The following OPCML variants were observed in gnomAD, a reference collection of about 807,000 sequenced individuals.
The protein encoded by OPCML is opioid binding protein/cell adhesion molecule like, also known as opioid-binding protein/cell adhesion molecule.
A neutral mutation model predicts 37.8 loss-of-function variants in OPCML; 13 were observed. The observed-to-expected ratio is 0.34, with a 90% confidence interval of 0.22 to 0.55. The LOEUF is 0.55. OPCML is among the 20% of genes least tolerant of loss of function. OPCML has a pLI of 0.91. For missense variants in OPCML, 341 were observed against 435.6 expected (o/e 0.78, Z 1.93); for synonymous variants, 176 against 168.8 (o/e 1.04, Z -0.33).
intron 7 of OPCML, among the ~76,000 whole-genome samples, chr11:132,422,273 C>A (rs2095962090): frequency 6.6e-6 from 1 of 152,114 alleles, no homozygotes; most frequent in Admixed American, 6.6e-5. Flanking sequence ...CCTGTGGATA[C>A]CATGCCATCG....
intron 1 of OPCML, among the ~76,000 whole-genome samples, chr11:133,056,591 C>T (rs766781802): frequency 3.5e-4 from 54 of 152,178 alleles, no homozygotes; most frequent in Middle Eastern, 3.2e-3. Context: ...AAGCAACATT[C>T]CTCCAAACTC....
intron 1 of OPCML, among the ~76,000 whole-genome samples, chr11:133,388,790 TTATGAGGC>T (rs1214667300): frequency 5.9e-5 from 9 of 152,214 alleles, no homozygotes; most frequent in Non-Finnish European, 1.2e-4. Flanking sequence ...TTAACCCAGG[TTATGAGGC>T]TGAATGTGAT....
intron 4 of OPCML, among the ~76,000 whole-genome samples, chr11:132,444,011 T>C (rs944927337): frequency 3.9e-5 from 6 of 152,180 alleles, no homozygotes; most frequent in Non-Finnish European, 8.8e-5. Context: ...ACTTGCACAG[T>C]AGAATGCTTG....
chr11:133,259,175 G>A (rs528032201), intron 1 of OPCML, among the ~76,000 whole-genome samples: 25 of 152,234 alleles, frequency 1.6e-4, no homozygotes, highest in Middle Eastern at 3.4e-3. Context: ...ACTTGTTCAC[G>A]GTTCCAGAGA....
intron 1 of OPCML, among the ~76,000 whole-genome samples, chr11:132,961,549 G>A (rs558934577): frequency 6.6e-6 from 1 of 152,316 alleles, no homozygotes; most frequent in Non-Finnish European, 1.5e-5. Context: ...GATGTGAGAT[G>A]TAATTCTATT....
chr11:133,185,538 C>T (rs1398802762), intron 1 of OPCML, among the ~76,000 whole-genome samples: 1 of 152,144 alleles, frequency 6.6e-6, no homozygotes, highest in African/African-American at 2.4e-5. Context: ...GGGTGAAGAA[C>T]TTAGAGAACA....
Position 132,617,116 on chromosome 11 carries a change from C to A in OPCML, c.379+39971G>T, listed in dbSNP as rs75732422. Among the ~76,000 whole-genome samples the A allele has an allele frequency of 8.7e-3, 1,318 of 152,336 alleles. 25 individuals carry two copies. The highest frequency in any genetic ancestry group is 0.03 in the African/African-American group (1,262 of 41,570). ...GTCCTACTCGAAACATTCTAAGATA[C>A]TCTGAATCTTTCTATATCTTCTGGA... On this transcript the variant is annotated intron_variant, in intron 3 of 7. Coordinates refer to ENST00000524381, the MANE Select transcript of OPCML (RefSeq NM_001012393.5).
intron 2 of OPCML, among the ~76,000 whole-genome samples, chr11:132,888,933 A>G (rs1005044465): frequency 6.6e-6 from 1 of 152,210 alleles, no homozygotes; most frequent in Non-Finnish European, 1.5e-5. Flanking sequence ...AATAGATGAA[A>G]AGGACAAATC....
At chr11:133,229,599 A>G (rs1592124973) in intron 1 of OPCML, among the ~76,000 whole-genome samples, 1 of 152,138 alleles carries the variant, frequency 6.6e-6, no homozygotes, top group East Asian at 1.9e-4. Context: ...TAGGAAGACA[A>G]AAAAAATTGT....
chr11:132,795,887 G>C (rs1396864625), intron 2 of OPCML, among the ~76,000 whole-genome samples: 1 of 152,226 alleles, frequency 6.6e-6, no homozygotes, highest in African/African-American at 2.4e-5. Flanking sequence ...GTACGACACA[G>C]TCGGCCTTCT....
intron 1 of OPCML, among the ~76,000 whole-genome samples, chr11:132,982,848 C>A (rs1946615752): frequency 6.6e-6 from 1 of 152,206 alleles, no homozygotes; most frequent in Non-Finnish European, 1.5e-5. Flanking sequence ...ATGAGCCCAG[C>A]ACCAAGACAG....
At chr11:133,159,987 C>T (rs1178070265) in intron 1 of OPCML, among the ~76,000 whole-genome samples, 1 of 152,226 alleles carries the variant, frequency 6.6e-6, no homozygotes, top group Non-Finnish European at 1.5e-5. Flanking sequence ...CAATCAAAAA[C>T]TCATGTGGGC....
At chr11:133,398,787 C>G (rs542525977) in intron 1 of OPCML, among the ~76,000 whole-genome samples, 6 of 152,166 alleles carry the variant, frequency 3.9e-5, no homozygotes, top group African/African-American at 1.2e-4. Flanking sequence ...ATTCCAATAA[C>G]AAAAAATGCA....
At chr11:133,042,101 C>G (rs1454153273) in intron 1 of OPCML, among the ~76,000 whole-genome samples, 2 of 152,126 alleles carry the variant, frequency 1.3e-5, no homozygotes, top group African/African-American at 2.4e-5. Context: ...CACCATTAGG[C>G]CCACAGTCAC....
At chr11:133,049,036 G>A (rs1026937924) in intron 1 of OPCML, among the ~76,000 whole-genome samples, 33 of 152,164 alleles carry the variant, frequency 2.2e-4, no homozygotes, top group African/African-American at 8.0e-4. Context: ...CCAAAAACCT[G>A]CTATGTGGCA....
At chr11:132,640,096 G>A (rs1940759934) in intron 3 of OPCML, among the ~76,000 whole-genome samples, 1 of 152,220 alleles carries the variant, frequency 6.6e-6, no homozygotes, top group African/African-American at 2.4e-5. Flanking sequence ...AACCTCAGAA[G>A]AACCTGCTCA....
At chr11:132,870,873 G>A (rs1942768600) in intron 2 of OPCML, among the ~76,000 whole-genome samples, 1 of 152,138 alleles carries the variant, frequency 6.6e-6, no homozygotes. Flanking sequence ...GGAGTAAAAT[G>A]GTGGTTGCCA....
chr11:133,020,775 G>C (rs1214083968), intron 1 of OPCML, among the ~76,000 whole-genome samples: 1 of 152,138 alleles, frequency 6.6e-6, no homozygotes, highest in Non-Finnish European at 1.5e-5. Flanking sequence ...ATGACTTAAT[G>C]GTGTAGAAAA....
intron 2 of OPCML, among the ~76,000 whole-genome samples, chr11:132,721,800 C>T (rs920805987): frequency 5.3e-5 from 8 of 151,990 alleles, no homozygotes; most frequent in East Asian, 3.9e-4. Context: ...AAAATAGCCT[C>T]GGCTTTCAAG....
Sources: gnomAD v4.1 joint callset for allele counts (sites outside exome capture counted in the v4.1 genomes callset) on GRCh38, gnomAD v4.1.1 for gene constraint, MANE v1.5 for transcripts, NCBI Gene and HGNC (gene_info 2026-07-23, HGNC 2026-07-21) for gene names.